Variants in SLCO1A2 observed in about 807,000 individuals in gnomAD.
The protein encoded by SLCO1A2 is solute carrier organic anion transporter family member 1A2, also known as OATP-1.
Under a neutral mutation model 69.0 loss-of-function variants are expected in SLCO1A2, and 67 were observed. That is an observed-to-expected ratio of 0.97 (90% confidence interval 0.80 to 1.19). The LOEUF (loss-of-function observed/expected upper bound fraction) is 1.19. SLCO1A2 is among the 50% of genes most tolerant of loss of function. SLCO1A2 has a pLI of 0.00. For synonymous variants in SLCO1A2, 260 were observed against 265.9 expected, an observed-to-expected ratio of 0.98 and a Z score of 0.22; for missense variants, 787 against 793.7, an observed-to-expected ratio of 0.99 and a Z score of 0.10.
At chr12:21,349,624 G>A (rs564190082) in intron 2 of SLCO1A2, among the ~76,000 whole-genome samples, 2 of 152,094 alleles carry the variant, frequency 1.3e-5, no homozygotes, top group African/African-American at 4.8e-5. Context: ...ACCTTCCAAG[G>A]CCTTATGGGA....
chr12:21,413,237 C>CTTTTTTTTTTTTTTTTTTTTTTTTTTT (rs3983534), intron 1 of SLCO1A2, among the ~76,000 whole-genome samples: 1 of 99,468 alleles, frequency 1.0e-5, no homozygotes, highest in Non-Finnish European at 1.9e-5. Flanking sequence ...TTTTCTTTTT[C>CTTTTTTTTTTTTTTTTTTTTTTTTTTT]TTTTTTTTTT....
In SLCO1A2 at chr12:21,314,576, T is replaced by A. The variant is rs891531577; in HGVS notation, c.308A>T (p.Lys103Ile). The A allele has an allele frequency of 1.2e-6, 2 of 1,614,108 alleles. No individual in the cohort carries two copies. The highest frequency in any genetic ancestry group is 1.7e-6 in the Non-Finnish European group (2 of 1,179,974). ...CVVMGLGCFL[K>I]SLPHFLMNQY... ...GTTCATGAGGAAATGAGGTAGTGATTTTAAGAAACAGCCTAAGCCCATAAC... is the reference window on the plus strand; with the variant it reads ...GTTCATGAGGAAATGAGGTAGTGATATTAAGAAACAGCCTAAGCCCATAAC... The change falls in exon 4 of 15, where the codon AAA becomes ATA. Residue 103 changes from lysine (K) to isoleucine (I), a missense_variant. By Grantham distance (102) the Lys-to-Ile change is moderately radical. Coordinates refer to ENST00000683939, the MANE Select transcript of SLCO1A2 (RefSeq NM_001386879.1).
At chr12:21,396,851 T>C (rs1428878772), upstream of SLCO1A2, among the ~76,000 whole-genome samples, 1 of 151,706 alleles carries the variant, frequency 6.6e-6, no homozygotes, top group South Asian at 2.1e-4. Context: ...CAGGCCTGCC[T>C]TACAAGAGCT....
intron 2 of SLCO1A2, among the ~76,000 whole-genome samples, chr12:21,329,892 A>G (rs998089328): frequency 6.6e-6 from 1 of 151,354 alleles, no homozygotes; most frequent in Non-Finnish European, 1.5e-5. Context: ...TTAATTTAAC[A>G]TAACATGACT....
chr12:21,305,096 A>G (rs573029122), intron 5 of SLCO1A2, among the ~76,000 whole-genome samples: 18 of 152,370 alleles, frequency 1.2e-4, no homozygotes, highest in African/African-American at 4.1e-4. Flanking sequence ...TAGAAACTAA[A>G]AATATTTAAT....
intron 1 of SLCO1A2, among the ~76,000 whole-genome samples, chr12:21,384,022 T>G (rs1940742885): frequency 6.6e-6 from 1 of 152,338 alleles, no homozygotes; most frequent in Middle Eastern, 3.4e-3. Context: ...GTAAAACGGA[T>G]AGTAATATCT....
intron 6 of SLCO1A2, among the ~76,000 whole-genome samples, chr12:21,302,103 C>T (rs1487955713): frequency 3.3e-5 from 5 of 152,102 alleles, no homozygotes; most frequent in South Asian, 2.1e-4. Flanking sequence ...CTCTTGTGCG[C>T]GTTCAATTTC....
intron 4 of SLCO1A2, among the ~76,000 whole-genome samples, chr12:21,312,075 GAA>G (rs1449577294): frequency 6.7e-6 from 1 of 150,346 alleles, no homozygotes; most frequent in Non-Finnish European, 1.5e-5. Context: ...AGAGGAAGAA[GAA>G]GAGGAGGAGG....
At chr12:21,343,535 A>G (rs775112700) in intron 2 of SLCO1A2, among the ~76,000 whole-genome samples, 1 of 152,078 alleles carries the variant, frequency 6.6e-6, no homozygotes, top group African/African-American at 2.4e-5. Flanking sequence ...GGCTGTTCTT[A>G]GTAGGTAGTT....
At chr12:21,280,814 A>G (rs983248809) in intron 12 of SLCO1A2, among the ~76,000 whole-genome samples, 1 of 152,198 alleles carries the variant, frequency 6.6e-6, no homozygotes, top group Non-Finnish European at 1.5e-5. Context: ...CACATGGATC[A>G]TTCTCAAGGA....
At chr12:21,383,751 C>T (rs982037572) in intron 1 of SLCO1A2, among the ~76,000 whole-genome samples, 5 of 152,030 alleles carry the variant, frequency 3.3e-5, no homozygotes, top group African/African-American at 1.2e-4. Context: ...AAGAAGTTCA[C>T]GGGTTCTACC....
At chr12:21,352,652 A>C (rs1288339322) in intron 2 of SLCO1A2, among the ~76,000 whole-genome samples, 1 of 152,218 alleles carries the variant, frequency 6.6e-6, no homozygotes, top group African/African-American at 2.4e-5. Flanking sequence ...CTGAAACTCA[A>C]AATATTTGTT....
intron 1 of SLCO1A2, among the ~76,000 whole-genome samples, chr12:21,404,039 T>A (rs1168219201): frequency 1.3e-5 from 2 of 152,048 alleles, no homozygotes; most frequent in African/African-American, 4.8e-5. Context: ...ACAAGGATAT[T>A]CATTTCTATG....
At chr12:21,390,460 G>A (rs1331129049) in intron 1 of SLCO1A2, among the ~76,000 whole-genome samples, 1 of 152,140 alleles carries the variant, frequency 6.6e-6, no homozygotes, top group Non-Finnish European at 1.5e-5. Context: ...TTTGTAAAAT[G>A]TGGTTGTGGA....
At chr12:21,342,427 A>C (rs979045616) in intron 2 of SLCO1A2, among the ~76,000 whole-genome samples, 1 of 152,088 alleles carries the variant, frequency 6.6e-6, no homozygotes, top group African/African-American at 2.4e-5. Flanking sequence ...GTATTAATAT[A>C]TTACACTTTT....
intron 2 of SLCO1A2, among the ~76,000 whole-genome samples, chr12:21,333,261 C>T (rs560600705): frequency 9.9e-5 from 15 of 152,104 alleles, no homozygotes; most frequent in South Asian, 4.1e-4. Flanking sequence ...TCCCCTAAAA[C>T]ACATGGGTTG....
At chr12:21,297,379 G>C in intron 9 of SLCO1A2, 25 bp downstream of exon 9, 1 of 1,593,822 alleles carries the variant, frequency 6.3e-7, no homozygotes. Context: ...AAGTGTGCTA[G>C]TAAGGCAGAG....
intron 3 of SLCO1A2, among the ~76,000 whole-genome samples, chr12:21,318,041 G>A (rs1381426750): frequency 6.6e-6 from 1 of 151,666 alleles, no homozygotes; most frequent in Non-Finnish European, 1.5e-5. Flanking sequence ...AGACCAAATA[G>A]CAGAAAAATA....
At chr12:21,277,467 G>A (rs1258748425) in intron 12 of SLCO1A2, among the ~76,000 whole-genome samples, 1 of 148,486 alleles carries the variant, frequency 6.7e-6, no homozygotes, top group African/African-American at 2.5e-5. Context: ...AGCACATTCA[G>A]AGCTGTGGCA....
Sources: gnomAD v4.1 joint callset for allele counts (sites outside exome capture counted in the v4.1 genomes callset) on GRCh38, gnomAD v4.1.1 for gene constraint, MANE v1.5 for transcripts, NCBI Gene and HGNC (gene_info 2026-07-23, HGNC 2026-07-21) for gene names.